Variants in PHF20 observed in about 807,000 individuals in gnomAD.
PHF20 encodes PHD finger protein 20, also known as glioma-expressed antigen 2.
In PHF20, 23 loss-of-function variants were observed where a neutral mutation model predicts 113.5. The observed-to-expected ratio is 0.20, with a 90% CI of 0.15 to 0.29. The LOEUF is 0.29. Among genes scored for constraint, PHF20 ranks in the 10% least tolerant of loss-of-function variants. The pLI, the probability that PHF20 is intolerant of heterozygous loss-of-function variation, is 1.00. For synonymous variants in PHF20, 434 were observed against 457.3 expected (o/e 0.95, Z 0.65); for missense variants, 943 against 1,219.6 (o/e 0.77, Z 3.38).
chr20:35,933,655 C>T (rs1233678596), intron 15 of PHF20, among the ~76,000 whole-genome samples: 1 of 152,132 alleles, frequency 6.6e-6, no homozygotes, highest in Non-Finnish European at 1.5e-5. Context: ...CCTCAGCCTC[C>T]CAAAGTGCTG....
chr20:35,932,072 T>G (rs1279171027), intron 15 of PHF20, among the ~76,000 whole-genome samples: 34 of 85,256 alleles, frequency 4.0e-4, no homozygotes, highest in Admixed American at 3.3e-3. Context: ...TTCTGAGTGT[T>G]TTTTTTTTTT....
At chr20:35,810,581 G>A (rs1398283405) in intron 2 of PHF20, among the ~76,000 whole-genome samples, 1 of 152,164 alleles carries the variant, frequency 6.6e-6, no homozygotes, top group Non-Finnish European at 1.5e-5. Context: ...GTAAGAAAAA[G>A]GAGTCTCAGA....
At chr20:35,785,553 C>G (rs2041391978) in intron 1 of PHF20, among the ~76,000 whole-genome samples, 1 of 151,796 alleles carries the variant, frequency 6.6e-6, no homozygotes, top group South Asian at 2.1e-4. Flanking sequence ...CTCCTGACCT[C>G]AGGTGATCCT....
chr20:35,902,885 A>G (rs1245915878), intron 10 of PHF20, among the ~76,000 whole-genome samples: 2 of 152,162 alleles, frequency 1.3e-5, no homozygotes, highest in East Asian at 3.9e-4. Context: ...TATCTCAGTG[A>G]AAGCATTTAC....
chr20:35,891,488 A>T (rs2147038722), intron 9 of PHF20, among the ~76,000 whole-genome samples: 1 of 152,330 alleles, frequency 6.6e-6, no homozygotes, highest in African/African-American at 2.4e-5. Context: ...GATCCATAAA[A>T]TACTTACAGG....
At chr20:35,883,573 T>C (rs1008671160) in intron 9 of PHF20, among the ~76,000 whole-genome samples, 1 of 152,154 alleles carries the variant, frequency 6.6e-6, no homozygotes, top group African/African-American at 2.4e-5. Flanking sequence ...TCCTAAATCA[T>C]TGGGACCACA....
intron 2 of PHF20, among the ~76,000 whole-genome samples, chr20:35,840,520 A>G (rs2042519225): frequency 6.6e-6 from 1 of 152,172 alleles, no homozygotes; most frequent in Non-Finnish European, 1.5e-5. Flanking sequence ...CCCTTAGGGT[A>G]TCATCTTGAA....
intron 10 of PHF20, among the ~76,000 whole-genome samples, chr20:35,911,714 A>C (rs1360790536): frequency 1.3e-5 from 2 of 152,162 alleles, no homozygotes; most frequent in African/African-American, 2.4e-5. Flanking sequence ...GCTGGAGTGC[A>C]ATGGTGCGAT....
At chr20:35,903,657 C>T (rs1568738902) in intron 10 of PHF20, among the ~76,000 whole-genome samples, 1 of 152,124 alleles carries the variant, frequency 6.6e-6, no homozygotes, top group Admixed American at 6.5e-5. Context: ...GTTACCAGAC[C>T]GAAGGAACTA....
intron 2 of PHF20, among the ~76,000 whole-genome samples, chr20:35,828,986 G>T (rs1012042839): frequency 1.3e-5 from 2 of 152,126 alleles, no homozygotes; most frequent in South Asian, 4.1e-4. Context: ...CGGCGTAATG[G>T]GGGGTTGAGG....
At chr20:35,895,190 A>T (rs1056932301) in intron 9 of PHF20, among the ~76,000 whole-genome samples, 1 of 151,992 alleles carries the variant, frequency 6.6e-6, no homozygotes, top group Non-Finnish European at 1.5e-5. Context: ...TGCCTGGCTA[A>T]TTTTTATAAT....
rs372972203 is a variant in PHF20, at chr20:35,938,879, G to A, written c.2483G>A (p.Arg828His). Reference protein sequence around the residue: ...KPRPLALPLPRSVEESYITSE... With the variant: ...KPRPLALPLPHSVEESYITSE... ...AGGCCCCTGGCCCTGCCCCTGCCGC[G>A]TTCTGTGGAGGAATCCTATATCACC... Residue 828 changes from arginine (R) to histidine (H), a missense_variant, in exon 16 of 18, where the codon CGT becomes CAT. This residue lies in a region of PHF20 where 349 missense variants were observed against 412.3 expected (regional missense o/e 0.85). Coordinates refer to ENST00000374012, the MANE Select transcript of PHF20 (RefSeq NM_016436.5). The A allele has an allele frequency of 8.1e-6, 13 of 1,614,032 alleles. No homozygotes were observed. The highest frequency in any genetic ancestry group is 1.6e-4 in the Middle Eastern group (1 of 6,082).
At chr20:35,811,644 A>T (rs970882481) in intron 2 of PHF20, among the ~76,000 whole-genome samples, 20 of 152,014 alleles carry the variant, frequency 1.3e-4, no homozygotes, top group African/African-American at 4.8e-4. Context: ...GGGTTTCACC[A>T]TGTTAGGCTG....
In PHF20 at chr20:35,886,411, C is replaced by A. The variant is rs112033607; in HGVS notation, c.1283-12959C>A. Among the ~76,000 whole-genome samples the A allele has an allele frequency of 5.7e-3, 864 of 152,262 alleles. 7 individuals carry two copies. Among genetic ancestry groups the A allele is most frequent in the African/African-American group, 0.019 (804 of 41,540 alleles). ...AAAGTGTTGGGATTACAGGTGTGAG[C>A]CACTGTGCCTGGCCTTCGCTAATCT... is the stretch of plus-strand genomic sequence containing the variant. On this transcript the variant is annotated intron_variant, in intron 9 of 17. Transcript: ENST00000374012.
At chr20:35,852,626 T>A (rs1600827427) in intron 4 of PHF20, among the ~76,000 whole-genome samples, 1 of 144,792 alleles carries the variant, frequency 6.9e-6, no homozygotes. Context: ...TGAGACGGAG[T>A]CTCCCTCTGT....
intron 15 of PHF20, among the ~76,000 whole-genome samples, chr20:35,933,999 C>G (rs1421157747): frequency 6.6e-6 from 1 of 152,204 alleles, no homozygotes; most frequent in East Asian, 1.9e-4. Flanking sequence ...ACTGCATGAC[C>G]TTGTGAGCTT....
At chr20:35,913,782 G>A (rs1276936568) in intron 11 of PHF20, among the ~76,000 whole-genome samples, 1 of 152,148 alleles carries the variant, frequency 6.6e-6, no homozygotes, top group Non-Finnish European at 1.5e-5. Context: ...GGGACTTAAA[G>A]GATGCCACGT....
intron 9 of PHF20, among the ~76,000 whole-genome samples, chr20:35,881,048 C>CTTTTTTTTTTTTTTTTTTTTTT (rs773060725): frequency 1.8e-5 from 2 of 109,756 alleles, no homozygotes; most frequent in Non-Finnish European, 3.5e-5. Flanking sequence ...CTCTAAATAC[C>CTTTTTTTTTTTTTTTTTTTTTT]TTTTTTTTTT....
At chr20:35,852,400 A>G (rs1199755653) in intron 4 of PHF20, among the ~76,000 whole-genome samples, 2 of 152,200 alleles carry the variant, frequency 1.3e-5, no homozygotes, top group Non-Finnish European at 2.9e-5. Flanking sequence ...TGGGCGGTTC[A>G]CTGCCTTTGC....
Sources: allele counts gnomAD v4.1 joint callset (sites outside exome capture counted in the v4.1 genomes callset), GRCh38; gene constraint gnomAD v4.1.1; regional missense constraint gnomAD v4.1.1; transcripts MANE v1.5; gene names NCBI Gene and HGNC (gene_info 2026-07-23, HGNC 2026-07-21).